The following DLGAP2 variants were observed in gnomAD, a reference collection of about 807,000 sequenced individuals.
DLGAP2 encodes DLG associated protein 2.
In DLGAP2, 26 loss-of-function variants were observed where a neutral mutation model predicts 100.3. That is an observed-to-expected ratio of 0.26 (90% confidence interval 0.19 to 0.36). The LOEUF (loss-of-function observed/expected upper bound fraction) is 0.36, where lower values mean the gene tolerates loss of function less well. DLGAP2 is among the 10% of genes least tolerant of loss of function. The probability of loss-of-function intolerance (pLI) is 1.00; values close to 1 mark genes in which losing one functional copy is unlikely to be tolerated. For synonymous variants in DLGAP2, 886 were observed against 630.1 expected (o/e 1.41, Z -6.08); for missense variants, 1,858 against 1,453.2 (o/e 1.28, Z -4.53).
chr8:1,028,712 G>A (rs1252620111), intron 2 of DLGAP2, among the ~76,000 whole-genome samples: 2 of 152,216 alleles, frequency 1.3e-5, no homozygotes, highest in South Asian at 4.1e-4. Flanking sequence ...GAGTTAAGAT[G>A]GGTCACTGCT....
intron 2 of DLGAP2, among the ~76,000 whole-genome samples, chr8:984,261 C>G (rs879555164): frequency 3.3e-5 from 5 of 152,166 alleles, no homozygotes; most frequent in Admixed American, 3.3e-4. Flanking sequence ...TTCTTCTATG[C>G]GAGGTGAGCT....
At position 1,298,393 on chromosome 8, in the gene DLGAP2, C is replaced by A. The variant is rs116348773; in HGVS notation, c.106+39510C>A. 9.6e-3 allele frequency among the ~76,000 whole-genome samples: 1,469 copies of A among 152,280 alleles called. 22 individuals carry two copies. Among genetic ancestry groups the A allele is most frequent in the African/African-American group, 0.034 (1,406 of 41,540 alleles). On this transcript the variant is annotated intron_variant, in intron 3 of 14. Transcript: ENST00000637795. ...CCCCGCACCTGGCACTGTCGCCGTC[C>A]CTCAGTGGAGACACCAGGAAGCCCT...
At chr8:1,452,681 C>G in intron 3 of DLGAP2, among the ~76,000 whole-genome samples, 1 of 152,332 alleles carries the variant, frequency 6.6e-6, no homozygotes, top group East Asian at 1.9e-4. Context: ...AGCAAAGGCT[C>G]TGTGCGGGTT....
At chr8:785,995 C>T (rs941194634) in intron 1 of DLGAP2, among the ~76,000 whole-genome samples, 2 of 152,236 alleles carry the variant, frequency 1.3e-5, no homozygotes, top group Admixed American at 1.3e-4. Context: ...TGTGATGTGT[C>T]ACCGTCACCG....
intron 6 of DLGAP2, among the ~76,000 whole-genome samples, chr8:1,579,823 C>T (rs748450178): frequency 7.2e-5 from 11 of 152,194 alleles, no homozygotes; most frequent in Non-Finnish European, 1.3e-4. Context: ...AAGTGCCCAT[C>T]GTGGGCGTTG....
chr8:1,118,564 T>C (rs538045950), intron 2 of DLGAP2, among the ~76,000 whole-genome samples: 146 of 152,270 alleles, frequency 9.6e-4, no homozygotes, highest in Admixed American at 3.1e-3. Flanking sequence ...CTGCTGCTGC[T>C]GCTGCTTTCT....
intron 3 of DLGAP2, among the ~76,000 whole-genome samples, chr8:1,376,148 T>C (rs7837632): frequency 3.0e-4 from 46 of 150,868 alleles, no homozygotes; most frequent in African/African-American, 1.1e-3. Flanking sequence ...ACATTTGGGC[T>C]GTTTCTCAAA....
rs547641779 is a variant in DLGAP2, at chr8:838,932, G to T, written c.19-68980G>T. ...GCGAGGTGCTGCCTTTAGCAAATCT[G>T]TAAGCAGAAGTTCATCACAGTGATT... On this transcript the variant is annotated intron_variant, in intron 1 of 14. Coordinates refer to ENST00000637795, the MANE Select transcript of DLGAP2 (RefSeq NM_001346810.2). Among the ~76,000 whole-genome samples the T allele has an allele frequency of 3.3e-5, 5 of 152,306 alleles. No homozygotes were observed. The East Asian group carries it at 9.6e-4, about 29-fold the overall frequency.
At chr8:1,334,186 G>T (rs1801220433) in intron 3 of DLGAP2, among the ~76,000 whole-genome samples, 2 of 152,256 alleles carry the variant, frequency 1.3e-5, no homozygotes, top group East Asian at 3.8e-4. Flanking sequence ...TGCCTTGAAA[G>T]CAAAGGAAAT....
intron 3 of DLGAP2, among the ~76,000 whole-genome samples, chr8:1,376,107 C>G (rs551042731): frequency 6.9e-6 from 1 of 144,264 alleles, no homozygotes; most frequent in African/African-American, 2.7e-5. Context: ...CGACACCTCT[C>G]CACGACCTCA....
intron 1 of DLGAP2, among the ~76,000 whole-genome samples, chr8:768,125 C>T (rs1585841989): frequency 6.6e-6 from 1 of 152,122 alleles, no homozygotes; most frequent in Non-Finnish European, 1.5e-5. Flanking sequence ...TACAGGTCCC[C>T]TCACTCATTG....
chr8:743,653 T>A (rs540976202), intron 1 of DLGAP2, among the ~76,000 whole-genome samples: 11 of 152,322 alleles, frequency 7.2e-5, no homozygotes, highest in African/African-American at 2.6e-4. Flanking sequence ...AGCCTTGACC[T>A]CCTGGGCTCA....
chr8:1,254,960 G>GCCC (rs1563043139), intron 2 of DLGAP2, among the ~76,000 whole-genome samples: 1 of 79,498 alleles, frequency 1.3e-5, no homozygotes, highest in African/African-American at 7.2e-5. Context: ...CTGTGTGTGT[G>GCCC]TCCTCTCATC....
intron 2 of DLGAP2, among the ~76,000 whole-genome samples, chr8:1,184,899 A>T (rs749374027): frequency 1.4e-4 from 21 of 152,160 alleles, no homozygotes; most frequent in Non-Finnish European, 2.9e-4. Flanking sequence ...CTGTGTTGCA[A>T]AGGTGACTCA....
chr8:1,367,564 C>T (rs1220873712), intron 3 of DLGAP2, among the ~76,000 whole-genome samples: 3 of 152,242 alleles, frequency 2.0e-5, no homozygotes, highest in Admixed American at 6.5e-5. Flanking sequence ...TGTCACCTCC[C>T]CTCTAGAGCT....
chr8:1,383,632 T>A (rs772080679), intron 3 of DLGAP2, among the ~76,000 whole-genome samples: 64 of 152,308 alleles, frequency 4.2e-4, no homozygotes, highest in South Asian at 3.1e-3. Flanking sequence ...CCCAATTCCA[T>A]GGTTCCCCTT....
intron 2 of DLGAP2, among the ~76,000 whole-genome samples, chr8:987,461 C>G (rs983915716): frequency 1.3e-5 from 2 of 152,172 alleles, no homozygotes; most frequent in Non-Finnish European, 2.9e-5. Context: ...TCTCCAGAGA[C>G]CACAGGAGGA....
intron 1 of DLGAP2, among the ~76,000 whole-genome samples, chr8:820,322 G>A (rs1796560428): frequency 6.6e-6 from 1 of 152,196 alleles, no homozygotes; most frequent in African/African-American, 2.4e-5. Flanking sequence ...CACAGAAACA[G>A]TGAAGGAAGG....
At chr8:1,333,548 G>C (rs1801205844) in intron 3 of DLGAP2, among the ~76,000 whole-genome samples, 1 of 152,148 alleles carries the variant, frequency 6.6e-6, no homozygotes, top group Non-Finnish European at 1.5e-5. Flanking sequence ...CTGTGTGCAG[G>C]GTTTGTTCAT....
Sources: gnomAD v4.1 joint callset for allele counts (sites outside exome capture counted in the v4.1 genomes callset) on GRCh38, gnomAD v4.1.1 for gene constraint, MANE v1.5 for transcripts, NCBI Gene and HGNC (gene_info 2026-07-23, HGNC 2026-07-21) for gene names.